The following DSG1 variants were observed in gnomAD, a reference collection of about 807,000 sequenced individuals.
DSG1 encodes the protein desmoglein 1, also known as desmoglein-1.
DSG1 carries 39 observed loss-of-function variants against 97.5 expected under a neutral mutation model. The ratio of observed to expected loss-of-function variants is 0.40; its 90% CI spans 0.31 to 0.52. DSG1 has a LOEUF of 0.52. Among genes scored for constraint, DSG1 ranks in the 20% least tolerant of loss-of-function variants. DSG1 has a pLI of 0.53. For synonymous variants in DSG1, 475 were observed against 443.4 expected, an observed-to-expected ratio of 1.07 and a Z score of -0.90; for missense variants, 1,311 against 1,295.4, an observed-to-expected ratio of 1.01 and a Z score of -0.18.
At chr18:31,337,053 G>A (rs1218813905) in intron 9 of DSG1, among the ~76,000 whole-genome samples, 4 of 152,098 alleles carry the variant, frequency 2.6e-5, no homozygotes, top group African/African-American at 9.7e-5. Context: ...CAATAACGCT[G>A]GTGTGAAAAT....
At chr18:31,348,593 A>G (rs931409859) in intron 14 of DSG1, among the ~76,000 whole-genome samples, 5 of 151,430 alleles carry the variant, frequency 3.3e-5, no homozygotes, top group Admixed American at 3.3e-4. Flanking sequence ...CAACAGTGTA[A>G]AAGTGTTCCT....
In DSG1 at chr18:31,326,572, T is replaced by A. The variant is rs986665000; in HGVS notation, c.49-9T>A. 1 of 1,591,364 alleles carries A rather than the reference T, an allele frequency of 6.3e-7. No homozygotes were observed. The highest frequency in any genetic ancestry group is 8.6e-7 in the Non-Finnish European group (1 of 1,160,364). ...AAAATAACTAGTGTGATTATCTTAT[T>A]TTTTACAGGTGGTGGTAGAAGTTAA... On this transcript the variant is annotated splice_polypyrimidine_tract_variant and intron_variant, in intron 1 of 14. Coordinates refer to ENST00000257192, the MANE Select transcript of DSG1 (RefSeq NM_001942.4).
chr18:31,322,223 G>A (rs576344400), intron 1 of DSG1, among the ~76,000 whole-genome samples: 11 of 152,316 alleles, frequency 7.2e-5, no homozygotes, highest in Admixed American at 6.5e-4. Flanking sequence ...ATTTGCCTTT[G>A]TATCCCTTAT....
In DSG1 at chr18:31,356,468, T is replaced by C. The variant is rs2071959723; in HGVS notation, c.*1122T>C. ...TCTAAAAAAATGTTTTTAGAACATGTAAAATGTTTAATGGTGAAAGTTGGA... is the reference window on the plus strand; with the variant it reads ...TCTAAAAAAATGTTTTTAGAACATGCAAAATGTTTAATGGTGAAAGTTGGA... On this transcript the variant is annotated 3_prime_UTR_variant, in exon 15 of 15. Transcript: ENST00000257192. 6.6e-6 allele frequency: 1 copy of C among 152,284 alleles called. No individual in the cohort carries two copies. Among genetic ancestry groups the C allele is most frequent in the Non-Finnish European group, 1.5e-5 (1 of 67,994 alleles). The allele number at this position is 152,284 out of a possible 1,614,324, so 9.4% of individuals were successfully genotyped here.
rs745663123 is a variant in DSG1 at position 31,356,804 on chromosome 18, T to C, written c.*1458T>C. ...TATAGTATAACATATTTTTCTAGTTTCAAAATTTAGTAATGTCCTATTTAT... is the reference window on the plus strand; with the variant it reads ...TATAGTATAACATATTTTTCTAGTTCCAAAATTTAGTAATGTCCTATTTAT... On this transcript the variant is annotated 3_prime_UTR_variant, in exon 15 of 15. Transcript: ENST00000257192. 23 of 152,172 alleles carry C rather than the reference T, an allele frequency of 1.5e-4. No homozygotes were observed. The highest frequency in any genetic ancestry group is 2.6e-4 in the Admixed American group (4 of 15,274). The allele number at this position is 152,172 out of a possible 1,614,324, so 9.4% of individuals were successfully genotyped here.
chr18:31,343,866 CTGCAGAAAGAT>C (rs1305506634), intron 12 of DSG1, 49 bp from the exon 13 acceptor site: 191 of 1,386,676 alleles, frequency 1.4e-4, no homozygotes, highest in Non-Finnish European at 1.8e-4. Context: ...AAATGTATGA[CTGCAGAAAGAT>C]TATAGTCATT....
At chr18:31,351,969 A>G (rs1488156717) in intron 14 of DSG1, among the ~76,000 whole-genome samples, 8 of 151,064 alleles carry the variant, frequency 5.3e-5, no homozygotes, top group African/African-American at 2.0e-4. Flanking sequence ...GTCCATTTAC[A>G]TTTAAAGTTA....
chr18:31,325,893 A>G (rs545015981), intron 1 of DSG1, among the ~76,000 whole-genome samples: 2 of 152,276 alleles, frequency 1.3e-5, no homozygotes, highest in East Asian at 3.9e-4. Flanking sequence ...TGGAGATAGT[A>G]TTAGTGGTGA....
chr18:31,331,616 C>G, intron 5 of DSG1, 85 bp from the exon 6 acceptor site: 3 of 1,297,326 alleles, frequency 2.3e-6, no homozygotes, highest in Non-Finnish European at 3.3e-6. Flanking sequence ...TCAACTAACT[C>G]TAACACTTTT....
chr18:31,318,564 T>C (rs1300555053), intron 1 of DSG1, among the ~76,000 whole-genome samples: 5 of 152,152 alleles, frequency 3.3e-5, no homozygotes, highest in African/African-American at 1.2e-4. Flanking sequence ...ACTCATTGTA[T>C]TACATCTCTG....
intron 12 of DSG1, 75 bp downstream of exon 12, chr18:31,343,658 GCCAT>G: frequency 2.5e-6 from 4 of 1,595,814 alleles, no homozygotes; most frequent in Non-Finnish European, 3.4e-6. Context: ...CAAGATGGCC[GCCAT>G]CACTCACAGT....
At chr18:31,337,607 G>T (rs2071763764) in intron 9 of DSG1, among the ~76,000 whole-genome samples, 1 of 152,180 alleles carries the variant, frequency 6.6e-6, no homozygotes, top group South Asian at 2.1e-4. Context: ...AGTGTGAGTA[G>T]TTCTGTTAGA....
intron 1 of DSG1, among the ~76,000 whole-genome samples, chr18:31,319,743 A>G (rs2071641856): frequency 6.6e-6 from 1 of 152,188 alleles, no homozygotes. Context: ...TAGAATCTCT[A>G]AGATGTGCCT....
intron 3 of DSG1, 94 bp downstream of exon 3, chr18:31,327,099 C>G: frequency 1.4e-6 from 2 of 1,458,704 alleles, no homozygotes; most frequent in South Asian, 2.3e-5. Flanking sequence ...CATGTCTCAC[C>G]GAGAAGCTAC....
intron 6 of DSG1, 116 bp downstream of exon 6, chr18:31,331,983 C>A (rs2071724140): frequency 3.1e-6 from 3 of 973,398 alleles, no homozygotes; most frequent in Non-Finnish European, 1.5e-6. Flanking sequence ...ACTTGTATAA[C>A]TTTTTCACAT....
chr18:31,329,756 G>A, intron 4 of DSG1, 136 bp from the exon 5 acceptor site: 1 of 1,096,262 alleles, frequency 9.1e-7, no homozygotes. Context: ...CTTAGTGACT[G>A]TAAGTAGGGC....
At position 31,336,495 on chromosome 18, in the gene DSG1, C is replaced by T; in HGVS notation, c.1147C>T (p.Pro383Ser). The stretch of plus-strand genomic sequence containing the variant: ...GACTGTGTTAAATGTAATTGAAGGC[C>T]CAGTGTTTCGTCCAGGTTCAAAGAC... ...SVTVLNVIEGPVFRPGSKTYV... is the reference protein window; with the variant it reads ...SVTVLNVIEGSVFRPGSKTYV... Residue 383 changes from proline (P) to serine (S), a missense_variant, in exon 9 of 15, where the codon CCA becomes TCA. Transcript: ENST00000257192. The T allele has an allele frequency of 6.2e-7, 1 of 1,613,898 alleles. No homozygotes were observed. The highest frequency in any genetic ancestry group is 8.5e-7 in the Non-Finnish European group (1 of 1,179,908).
At chr18:31,343,796 T>C in intron 12 of DSG1, 130 bp from the exon 13 acceptor site, 1 of 1,153,824 alleles carries the variant, frequency 8.7e-7, no homozygotes, top group Non-Finnish European at 1.3e-6. Context: ...TAAATGGATT[T>C]CAGAATTTCC....
chr18:31,332,312 G>C (rs1429892297), intron 6 of DSG1, among the ~76,000 whole-genome samples: 1 of 152,016 alleles, frequency 6.6e-6, no homozygotes, highest in Non-Finnish European at 1.5e-5. Context: ...CTTTAACCTA[G>C]CATATCTAAG....
Sources: gnomAD v4.1 joint callset for allele counts (sites outside exome capture counted in the v4.1 genomes callset) on GRCh38, gnomAD v4.1.1 for gene constraint, MANE v1.5 for transcripts, NCBI Gene and HGNC (gene_info 2026-07-23, HGNC 2026-07-21) for gene names.